The following OGDH variants were observed in gnomAD, a reference collection of about 807,000 sequenced individuals.
OGDH encodes the protein oxoglutarate dehydrogenase.
OGDH carries 38 observed loss-of-function variants against 116.6 expected under a neutral mutation model. That is an observed-to-expected ratio of 0.33 (90% CI 0.25 to 0.43). The LOEUF (loss-of-function observed/expected upper bound fraction) is 0.43. OGDH is among the 20% of genes least tolerant of loss of function. The probability of loss-of-function intolerance (pLI) is 1.00; values close to 1 mark genes in which losing one functional copy is unlikely to be tolerated. For synonymous variants in OGDH, 488 were observed against 533.3 expected (o/e 0.92, Z 1.17); for missense variants, 825 against 1,357.2 (o/e 0.61, Z 6.16).
intron 1 of OGDH, among the ~76,000 whole-genome samples, chr7:44,611,292 G>A (rs1450043788): frequency 6.6e-6 from 1 of 150,974 alleles, no homozygotes; most frequent in South Asian, 2.1e-4. Flanking sequence ...ACGGAGTCTC[G>A]CTCTGTCGCC....
chr7:44,617,882 C>G (rs1384278017), intron 1 of OGDH, among the ~76,000 whole-genome samples: 1 of 152,094 alleles, frequency 6.6e-6, no homozygotes, highest in African/African-American at 2.4e-5. Context: ...TAATCACCCC[C>G]CTACCTAGCC....
intron 12 of OGDH, 48 bp from the exon 13 acceptor site, chr7:44,695,977 G>A (rs748428451): frequency 1.1e-5 from 11 of 1,016,990 alleles, no homozygotes; most frequent in Admixed American, 1.0e-4. Flanking sequence ...GGCGTGTGCA[G>A]TAGTCATGCC....
intron 9 of OGDH, 94 bp from the exon 10 acceptor site, chr7:44,681,626 T>C: frequency 1.3e-6 from 2 of 1,497,482 alleles, no homozygotes; most frequent in South Asian, 2.6e-5. Context: ...CAAAACGTTA[T>C]TTTTTGAAAA....
chr7:44,612,981 A>G (rs1224170916), intron 1 of OGDH, among the ~76,000 whole-genome samples: 2 of 138,004 alleles, frequency 1.4e-5, no homozygotes, highest in Admixed American at 1.4e-4. Flanking sequence ...CCTGGGTTCA[A>G]GCAATTCTCC....
chr7:44,610,453 G>T (rs1784519127), intron 1 of OGDH, among the ~76,000 whole-genome samples: 1 of 152,000 alleles, frequency 6.6e-6, no homozygotes, highest in African/African-American at 2.4e-5. Context: ...ACAGGCGCTT[G>T]CCACCACACC....
intron 2 of OGDH, among the ~76,000 whole-genome samples, chr7:44,631,610 GATAAA>G (rs922296951): frequency 1.3e-5 from 2 of 152,174 alleles, no homozygotes; most frequent in Non-Finnish European, 2.9e-5. Flanking sequence ...TATTTAGGGT[GATAAA>G]ATTATAACCT....
chr7:44,606,909 C>T (rs988961601), intron 1 of OGDH, among the ~76,000 whole-genome samples: 1 of 152,002 alleles, frequency 6.6e-6, no homozygotes, highest in Non-Finnish European at 1.5e-5. Context: ...TACGGGCGGG[C>T]TCCGAGGTCG....
chr7:44,623,865 T>C (rs1472805491), intron 1 of OGDH, among the ~76,000 whole-genome samples: 2 of 152,146 alleles, frequency 1.3e-5, no homozygotes, highest in Admixed American at 6.5e-5. Flanking sequence ...AGGATGGTCT[T>C]GATCTCCTGA....
chr7:44,671,010 CA>C (rs111818473), intron 5 of OGDH, among the ~76,000 whole-genome samples: 15,533 of 68,340 alleles, frequency 0.23, 1,503 homozygotes, highest in African/African-American at 0.47. Context: ...GACTCCATCT[CA>C]AAAAAAAAAA....
Position 44,694,694 on chromosome 7 carries a change from T to C in OGDH, c.1668+118T>C. On this transcript the variant is annotated intron_variant, in intron 12 of 22. Transcript: ENST00000222673. The surrounding 1 kb of genome is among the most constrained non-coding windows in gnomAD (Gnocchi z 4.2). Reference sequence around the variant, plus strand: ...TTATGAGGATACACGTGAGAGGATGTGAAATATTTACAACTACAGCATTTC... The same window carrying C: ...TTATGAGGATACACGTGAGAGGATGCGAAATATTTACAACTACAGCATTTC... The C allele has an allele frequency of 8.7e-7, 1 of 1,154,866 alleles. No homozygotes were observed. The highest frequency in any genetic ancestry group is 2.3e-5 in the Admixed American group (1 of 42,880). The allele number at this position is 1,154,866 out of a possible 1,614,324, so 71.5% of individuals were successfully genotyped here. A position where few individuals can be genotyped will look rare whatever the true frequency, so the allele number is the denominator to read the frequency against.
At chr7:44,702,071 CAAAA>C (rs79579664) in intron 20 of OGDH, among the ~76,000 whole-genome samples, 2 of 57,418 alleles carry the variant, frequency 3.5e-5, no homozygotes. Context: ...AACTCCGGCA[CAAAA>C]AAAAAAAAAA....
chr7:44,706,624 A>AT (rs60453820), intron 20 of OGDH, among the ~76,000 whole-genome samples: 8,330 of 123,174 alleles, frequency 0.068, 517 homozygotes, highest in East Asian at 0.24. Context: ...CCCGGCTGGT[A>AT]TTTTTTTTTT....
At chr7:44,698,755 TGCTTGA>T (rs199906846) in intron 18 of OGDH, among the ~76,000 whole-genome samples, 3,723 of 151,704 alleles carry the variant, frequency 0.025, 63 homozygotes, top group Non-Finnish European at 0.037. Context: ...GTGGGAGGAT[TGCTTGA>T]GCTTGGGAGG....
At chr7:44,666,644 G>T in intron 4 of OGDH, 92 bp from the exon 5 acceptor site, 1 of 545,970 alleles carries the variant, frequency 1.8e-6, no homozygotes, top group Non-Finnish European at 3.2e-6. Flanking sequence ...GCTCACCTGG[G>T]GAGTTCCTTC....
rs2116354364 is a variant in OGDH at position 44,696,027 on chromosome 7, G to A, written c.1671G>A (p.Glu557=). The A allele has an allele frequency of 2.5e-6, 4 of 1,594,388 alleles. No individual in the cohort carries two copies. The East Asian group carries it at 8.9e-5, about 36-fold the overall frequency. The change falls in exon 13 of 23, where the codon GAG becomes GAA. Residue 557 remains glutamate (E), a splice_region_variant and synonymous_variant. Coordinates refer to ENST00000222673, the MANE Select transcript of OGDH (RefSeq NM_002541.4). ...QGVVNQPEYE[E]EISKYDKICE... is the part of the protein sequence containing the mutation. Reference sequence around the variant, plus strand: ...CTGTGTTGTGCCCAACCCTCCAGGAGGAAATTTCCAAGTATGATAAGATCT... The same window carrying A: ...CTGTGTTGTGCCCAACCCTCCAGGAAGAAATTTCCAAGTATGATAAGATCT...
At chr7:44,672,037 C>T (rs541603467) in intron 5 of OGDH, among the ~76,000 whole-genome samples, 1 of 151,864 alleles carries the variant, frequency 6.6e-6, no homozygotes, top group East Asian at 1.9e-4. Context: ...CCACTGCACT[C>T]CAGCCTGGGT....
At chr7:44,661,974 TATC>T (rs1169236286) in intron 4 of OGDH, among the ~76,000 whole-genome samples, 4 of 152,330 alleles carry the variant, frequency 2.6e-5, no homozygotes, top group Non-Finnish European at 5.9e-5. Flanking sequence ...AGACATAACT[TATC>T]ATCTACTAGT....
chr7:44,641,913 T>A (rs897241983), intron 2 of OGDH, among the ~76,000 whole-genome samples: 1 of 152,212 alleles, frequency 6.6e-6, no homozygotes. Flanking sequence ...CAGCCTTTAC[T>A]TTGCCTAGGG....
At chr7:44,692,447 C>T (rs1267668349) in intron 10 of OGDH, among the ~76,000 whole-genome samples, 1 of 152,170 alleles carries the variant, frequency 6.6e-6, no homozygotes, top group African/African-American at 2.4e-5. Flanking sequence ...TGTTTACGGA[C>T]ATATGAAGTA....
Sources: allele counts gnomAD v4.1 joint callset (sites outside exome capture counted in the v4.1 genomes callset), GRCh38; gene constraint gnomAD v4.1.1; non-coding constraint Gnocchi (gnomAD v3.1); transcripts MANE v1.5; gene names NCBI Gene and HGNC (gene_info 2026-07-23, HGNC 2026-07-21).